ARL15: variants seen among roughly 807,000 people sequenced by gnomAD.
The protein encoded by ARL15 is ADP-ribosylation factor-like protein 15.
ARL15 carries 19 observed loss-of-function variants against 25.2 expected under a neutral mutation model. The observed-to-expected ratio is 0.75, with a 90% confidence interval of 0.53 to 1.10. The LOEUF (loss-of-function observed/expected upper bound fraction) is 1.10. Ranked by LOEUF, ARL15 falls within the 50% of genes least tolerant of loss-of-function variation. ARL15 has a pLI of 0.00. For missense variants in ARL15, 220 were observed against 246.0 expected (o/e 0.89, Z 0.71); for synonymous variants, 94 against 86.8 (o/e 1.08, Z -0.46).
At position 53,950,257 on chromosome 5, in the gene ARL15, C is replaced by T. The variant is rs140589835; in HGVS notation, c.463-63544G>A. 5.3e-3 allele frequency among the ~76,000 whole-genome samples: 776 copies of T among 146,286 alleles called. 3 individuals are homozygous for T. The highest frequency in any genetic ancestry group is 9.3e-3 in the Admixed American group (137 of 14,708). ...CAGCCAGGGCAACACAGTAAAACCT[C>T]GTTTCTACAAAAATTAAAAAAAAAA... On this transcript the variant is annotated intron_variant, in intron 4 of 4. Transcript: ENST00000504924.
chr5:53,925,563 G>A (rs981991383), intron 4 of ARL15, among the ~76,000 whole-genome samples: 2 of 152,216 alleles, frequency 1.3e-5, no homozygotes, highest in African/African-American at 4.8e-5. Context: ...AGTGCTTTGG[G>A]AGGCCAAGGC....
At chr5:54,187,420 A>G (rs1196619666) in intron 1 of ARL15, among the ~76,000 whole-genome samples, 1 of 152,212 alleles carries the variant, frequency 6.6e-6, no homozygotes, top group Non-Finnish European at 1.5e-5. Flanking sequence ...CATTTGGTCC[A>G]CTGGCCCAAC....
intron 4 of ARL15, among the ~76,000 whole-genome samples, chr5:53,927,675 G>A (rs1336107965): frequency 3.9e-5 from 6 of 152,146 alleles, no homozygotes; most frequent in Admixed American, 3.9e-4. Context: ...TGGACAAGGA[G>A]CTTAGGGTCT....
At position 53,979,829 on chromosome 5, in the gene ARL15, TTGTGTGTGTGTGTGTGTGTGTGTGTG is replaced by T. The variant is rs70986653; in HGVS notation, c.463-93142_463-93117del. Reference sequence around the variant, plus strand: ...CACAGTTGAAAGTCTTTAAAGTCTTTTGTGTGTGTGTGTGTGTGTGTGTGTGTGTGTGTGTGTGTGTGTGTGTGTAT... The same window carrying T: ...CACAGTTGAAAGTCTTTAAAGTCTTTTGTGTGTGTGTGTGTGTGTGTGTAT... On this transcript the variant is annotated intron_variant, in intron 4 of 4. Coordinates refer to ENST00000504924, the MANE Select transcript of ARL15 (RefSeq NM_019087.3). 2.7e-4 allele frequency among the ~76,000 whole-genome samples: 39 copies of T among 143,070 alleles called. 1 individual carries two copies. The highest frequency in any genetic ancestry group is 3.9e-4 in the African/African-American group (15 of 38,478). The allele number at this position is 143,070 out of a possible 152,430, so 93.9% of individuals were successfully genotyped here. A position where few individuals can be genotyped will look rare whatever the true frequency, so the allele number is the denominator to read the frequency against.
intron 1 of ARL15, among the ~76,000 whole-genome samples, chr5:54,202,714 C>T (rs1755756826): frequency 6.6e-6 from 1 of 152,028 alleles, no homozygotes; most frequent in South Asian, 2.1e-4. Flanking sequence ...TAATAAAGAC[C>T]TAGCTCTTTT....
At chr5:53,942,529 T>C (rs1746571039) in intron 4 of ARL15, among the ~76,000 whole-genome samples, 1 of 149,772 alleles carries the variant, frequency 6.7e-6, no homozygotes, top group African/African-American at 2.5e-5. Context: ...AGGTGGATCA[T>C]GAGGTCAAGA....
At chr5:54,020,746 A>G (rs1036281048) in intron 4 of ARL15, among the ~76,000 whole-genome samples, 4 of 151,518 alleles carry the variant, frequency 2.6e-5, no homozygotes, top group African/African-American at 9.7e-5. Flanking sequence ...CAGGAGTTCA[A>G]GACCAGCCTG....
rs1417406275 is a variant in ARL15, at chr5:53,957,297, G to A, written c.463-70584C>T. ...TGGACACTATGGGGACCAAAAAGGA[G>A]TGGGACAACATTTTTAAAGTGCTGA... On this transcript the variant is annotated intron_variant, in intron 4 of 4. Transcript: ENST00000504924. 7.2e-5 allele frequency among the ~76,000 whole-genome samples: 11 copies of A among 152,196 alleles called. No individual in the cohort carries two copies. The East Asian group carries it at 1.5e-3, about 21-fold the overall frequency.
intron 4 of ARL15, among the ~76,000 whole-genome samples, chr5:53,944,910 T>C (rs1746674544): frequency 1.3e-5 from 2 of 152,210 alleles, no homozygotes; most frequent in African/African-American, 4.8e-5. Context: ...AGTTACACTA[T>C]GCAGAGACAG....
chr5:54,015,155 A>G (rs1317594374), intron 4 of ARL15, among the ~76,000 whole-genome samples: 1 of 151,922 alleles, frequency 6.6e-6, no homozygotes, highest in African/African-American at 2.4e-5. Flanking sequence ...CTAGCCAGGC[A>G]TGGTGGTGGG....
At position 54,097,882 on chromosome 5, in the gene ARL15, G is replaced by A. The variant is rs756662672; in HGVS notation, c.462+15320C>T. Among the ~76,000 whole-genome samples, 188 of 152,112 alleles carry A rather than the reference G, an allele frequency of 1.2e-3. 1 individual carries two copies. Among genetic ancestry groups the A allele is most frequent in the Non-Finnish European group, 4.3e-4 (29 of 68,026 alleles). The stretch of plus-strand genomic sequence containing the variant: ...ACACAGACATCAGTGCTGATGTGCA[G>A]GGACAAATTTAAGAGCTACCTCCCA... On this transcript the variant is annotated intron_variant, in intron 4 of 4. Transcript: ENST00000504924.
chr5:54,244,871 C>A (rs1161278286), intron 1 of ARL15, among the ~76,000 whole-genome samples: 2 of 151,450 alleles, frequency 1.3e-5, no homozygotes, highest in Non-Finnish European at 2.9e-5. Context: ...GTGTTTTCAG[C>A]ATTTTTAAAT....
chr5:54,126,124 T>C (rs982473106), intron 3 of ARL15, among the ~76,000 whole-genome samples: 5 of 152,148 alleles, frequency 3.3e-5, no homozygotes, highest in African/African-American at 4.8e-5. Flanking sequence ...CAAAATTCTG[T>C]TCATCAGCTT....
rs1048766739 is a variant in ARL15 at position 54,278,496 on chromosome 5, T to C, written c.48+31936A>G. On this transcript the variant is annotated intron_variant, in intron 1 of 4. Transcript: ENST00000504924. ...CCTTTTGTTTCAGAAACTAAATTACTTCTTTGTGATACATCCCTACATTAC... is the reference window on the plus strand; with the variant it reads ...CCTTTTGTTTCAGAAACTAAATTACCTCTTTGTGATACATCCCTACATTAC... Among the ~76,000 whole-genome samples the C allele has an allele frequency of 2.6e-5, 4 of 152,250 alleles. No individual in the cohort carries two copies. The East Asian group carries it at 7.7e-4, about 29-fold the overall frequency.
chr5:53,915,819 A>G (rs778002933), intron 4 of ARL15, among the ~76,000 whole-genome samples: 4 of 152,258 alleles, frequency 2.6e-5, no homozygotes, highest in Non-Finnish European at 4.4e-5. Flanking sequence ...TCATTGCAGC[A>G]AGTAAGAAAG....
intron 4 of ARL15, among the ~76,000 whole-genome samples, chr5:54,010,029 A>G (rs1330996325): frequency 6.6e-6 from 1 of 152,192 alleles, no homozygotes; most frequent in African/African-American, 2.4e-5. Context: ...AGACCAACAC[A>G]TAAGGCCACA....
intron 4 of ARL15, among the ~76,000 whole-genome samples, chr5:54,001,565 TACA>T: frequency 6.6e-6 from 1 of 152,230 alleles, no homozygotes. Context: ...TTCATACTAA[TACA>T]ACAATGATAA....
chr5:53,988,790 T>A lies in ARL15; in HGVS notation c.463-102077A>T, dbSNP rs1664793. On this transcript the variant is annotated intron_variant, in intron 4 of 4. Transcript: ENST00000504924. ...AATACAAGTCCAGAGGTGCTGCCGA[T>A]AGATGAGTTCCCTAGAATTCTAAGT... is the stretch of plus-strand genomic sequence containing the variant. 3.7e-3 allele frequency among the ~76,000 whole-genome samples: 560 copies of A among 152,056 alleles called. 3 individuals carry two copies. Among genetic ancestry groups the A allele is most frequent in the African/African-American group, 0.013 (541 of 41,464 alleles).
In ARL15 at chr5:54,219,525, G is replaced by A. The variant is rs540205066; in HGVS notation, c.49-47597C>T. Among the ~76,000 whole-genome samples the A allele has an allele frequency of 2.5e-4, 38 of 152,250 alleles. No homozygotes were observed. The South Asian group carries it at 7.9e-3, about 32-fold the overall frequency. ...AATCAAGACAATCACTGCAAAGAAA[G>A]AGACAGGGAACTAATTAAATAAATT... On this transcript the variant is annotated intron_variant, in intron 1 of 4. Coordinates refer to ENST00000504924, the MANE Select transcript of ARL15 (RefSeq NM_019087.3).
Sources: gnomAD v4.1 joint callset for allele counts (sites outside exome capture counted in the v4.1 genomes callset) on GRCh38, gnomAD v4.1.1 for gene constraint, MANE v1.5 for transcripts, NCBI Gene and HGNC (gene_info 2026-07-23, HGNC 2026-07-21) for gene names.